CYRIB: variants seen among roughly 807,000 people sequenced by gnomAD.
CYRIB encodes CYFIP related Rac1 interactor B.
CYRIB carries 8 observed loss-of-function variants against 44.2 expected under a neutral mutation model. The observed-to-expected ratio is 0.18, with a 90% CI of 0.11 to 0.33. CYRIB has a LOEUF of 0.33. Among genes scored for constraint, CYRIB ranks in the 10% least tolerant of loss-of-function variants. The pLI, the probability that CYRIB is intolerant of heterozygous loss-of-function variation, is 1.00. For missense variants in CYRIB, 185 were observed against 382.8 expected, an observed-to-expected ratio of 0.48 and a Z score of 4.31; for synonymous variants, 131 against 127.2, an observed-to-expected ratio of 1.03 and a Z score of -0.20.
At chr8:129,949,850 G>C (rs973112734) in intron 2 of CYRIB, among the ~76,000 whole-genome samples, 4 of 151,778 alleles carry the variant, frequency 2.6e-5, no homozygotes, top group Non-Finnish European at 5.9e-5. Flanking sequence ...TGGGCAAAAA[G>C]AGCGAAACTC....
chr8:129,880,750 T>G (rs537621419), intron 2 of CYRIB, among the ~76,000 whole-genome samples: 1 of 152,336 alleles, frequency 6.6e-6, no homozygotes, highest in South Asian at 2.1e-4. Context: ...TGTTACTCCT[T>G]TAAAATTTTT....
At chr8:129,969,970 G>A (rs937697667) in intron 2 of CYRIB, among the ~76,000 whole-genome samples, 111 of 152,188 alleles carry the variant, frequency 7.3e-4, no homozygotes, top group African/African-American at 2.6e-3. Flanking sequence ...ATACGGCCAA[G>A]GTGGAAGCAT....
chr8:130,015,220 C>A (rs1025320794), intron 1 of CYRIB, among the ~76,000 whole-genome samples: 1 of 152,220 alleles, frequency 6.6e-6, no homozygotes, highest in Admixed American at 6.5e-5. Flanking sequence ...ACTCACCTCT[C>A]AAAATTCACC....
exon 9 of CYRIB, chr8:129,850,898 A>G: frequency 6.2e-7 from 1 of 1,609,712 alleles, no homozygotes; most frequent in Non-Finnish European, 8.5e-7. Context: ...GGTATTTTCT[A>G]TTGGTAAATT....
chr8:129,846,061 G>A (rs2131143481), intron 11 of CYRIB, among the ~76,000 whole-genome samples: 2 of 152,330 alleles, frequency 1.3e-5, no homozygotes, highest in Middle Eastern at 3.4e-3. Context: ...GAACCTGGGA[G>A]GCCGAGGTTC....
Position 129,893,832 on chromosome 8 carries a change from CT to C in CYRIB, c.-11+9479del, listed in dbSNP as rs200158243. On this transcript the variant is annotated intron_variant, in intron 2 of 11. Transcript: ENST00000519824. ...ATAGGCATGAGCCATCACACTAGGC[CT>C]TTTTTTTTTTTTCCAGCATGGTTTC... Among the ~76,000 whole-genome samples the C allele has an allele frequency of 3.0e-3, 423 of 142,724 alleles. 1 individual carries two copies. Among genetic ancestry groups the C allele is most frequent in the Non-Finnish European group, 3.1e-3 (200 of 64,992 alleles). 93.6% of individuals were successfully genotyped at this position (142,724 alleles called of 152,430 possible).
At chr8:129,977,404 G>C (rs1027354318) in intron 1 of CYRIB, among the ~76,000 whole-genome samples, 7 of 152,072 alleles carry the variant, frequency 4.6e-5, no homozygotes, top group African/African-American at 1.4e-4. Flanking sequence ...AACTGGACTC[G>C]ACACCCAGCC....
intron 5 of CYRIB, among the ~76,000 whole-genome samples, chr8:129,856,129 T>C (rs1382887810): frequency 6.6e-6 from 1 of 152,248 alleles, no homozygotes; most frequent in Admixed American, 6.5e-5. Flanking sequence ...GCTGAGTAAC[T>C]TTCTTCAATG....
At chr8:129,913,326 CT>C (rs1035439991) in intron 1 of CYRIB, among the ~76,000 whole-genome samples, 1 of 152,166 alleles carries the variant, frequency 6.6e-6, no homozygotes, top group Non-Finnish European at 1.5e-5. Context: ...TAAACCTTGT[CT>C]TTCCCCACAG....
intron 1 of CYRIB, among the ~76,000 whole-genome samples, chr8:130,008,768 C>T (rs1014234524): frequency 2.0e-5 from 3 of 152,208 alleles, no homozygotes; most frequent in Non-Finnish European, 4.4e-5. Flanking sequence ...GTTGGTCTCT[C>T]GTGTCCCAGA....
chr8:129,928,427 A>G (rs958682234), intron 1 of CYRIB, among the ~76,000 whole-genome samples: 2 of 152,150 alleles, frequency 1.3e-5, no homozygotes, highest in African/African-American at 2.4e-5. Flanking sequence ...CAAAATATAT[A>G]AAGAACTCTT....
At chr8:129,957,888 C>T (rs1164264215) in intron 2 of CYRIB, among the ~76,000 whole-genome samples, 1 of 150,540 alleles carries the variant, frequency 6.6e-6, no homozygotes, top group Non-Finnish European at 1.5e-5. Context: ...TGGTGTGAAC[C>T]TGGGAGGCAG....
intron 1 of CYRIB, among the ~76,000 whole-genome samples, chr8:129,923,586 T>C (rs1042464184): frequency 6.6e-6 from 1 of 152,106 alleles, no homozygotes; most frequent in Admixed American, 6.5e-5. Flanking sequence ...AGTCAACCTT[T>C]AGTCTCTTAT....
intron 5 of CYRIB, among the ~76,000 whole-genome samples, chr8:129,859,521 T>C (rs886420145): frequency 9.9e-5 from 15 of 152,116 alleles, no homozygotes; most frequent in African/African-American, 2.9e-4. Context: ...GTGTTTTTCC[T>C]TGACACTGAG....
At position 129,876,523 on chromosome 8, in the gene CYRIB, C is replaced by T. The variant is rs185143296; in HGVS notation, c.73+2866G>A. Reference sequence around the variant, plus strand: ...AGGCAAGGCATAAATGTATGTTGAACTGAAGTGAAAAACAGTTACAGGGGT... The same window carrying T: ...AGGCAAGGCATAAATGTATGTTGAATTGAAGTGAAAAACAGTTACAGGGGT... On this transcript the variant is annotated intron_variant, in intron 3 of 11. Coordinates refer to ENST00000519824, the Ensembl canonical transcript of CYRIB. Among the ~76,000 whole-genome samples, 287 of 152,164 alleles carry T rather than the reference C, an allele frequency of 1.9e-3. 1 individual carries two copies. The highest frequency in any genetic ancestry group is 6.3e-3 in the African/African-American group (263 of 41,510).
intron 1 of CYRIB, among the ~76,000 whole-genome samples, chr8:129,980,877 G>A (rs927453788): frequency 2.0e-5 from 3 of 151,698 alleles, no homozygotes; most frequent in African/African-American, 7.3e-5. Flanking sequence ...CCAGCTACTC[G>A]GGAGGCTGAG....
At chr8:129,956,836 CA>C (rs2094874863) in intron 2 of CYRIB, among the ~76,000 whole-genome samples, 1 of 141,350 alleles carries the variant, frequency 7.1e-6, no homozygotes, top group Non-Finnish European at 1.5e-5. Context: ...TCCCTCCCCC[CA>C]GCCTCTCTTT....
intron 1 of CYRIB, among the ~76,000 whole-genome samples, chr8:129,991,673 G>A (rs10104858): frequency 0.055 from 8,400 of 152,154 alleles, 777 homozygotes; most frequent in African/African-American, 0.19. Flanking sequence ...TTTCTGGCCA[G>A]GCACGGTGGC....
chr8:129,996,747 T>G (rs1222730693), intron 1 of CYRIB, among the ~76,000 whole-genome samples: 2 of 152,018 alleles, frequency 1.3e-5, no homozygotes, highest in Non-Finnish European at 2.9e-5. Context: ...CAGAATTCCA[T>G]CTCTCTTCCT....
Sources: allele counts gnomAD v4.1 joint callset (sites outside exome capture counted in the v4.1 genomes callset), GRCh38; gene constraint gnomAD v4.1.1; transcripts MANE v1.5; gene names NCBI Gene and HGNC (gene_info 2026-07-23, HGNC 2026-07-21).